Variants in CNTN4 observed in about 807,000 individuals in gnomAD.
CNTN4 encodes contactin 4, also known as contactin-4.
A neutral mutation model predicts 122.5 loss-of-function variants in CNTN4; 77 were observed. That is an observed-to-expected ratio of 0.63 (90% confidence interval 0.52 to 0.76). CNTN4 has a LOEUF of 0.76. CNTN4 is among the 30% of genes least tolerant of loss of function. The pLI, the probability that CNTN4 is intolerant of heterozygous loss-of-function variation, is 0.00. For synonymous variants in CNTN4, 512 were observed against 447.0 expected, an observed-to-expected ratio of 1.15 and a Z score of -1.83; for missense variants, 1,256 against 1,259.1, an observed-to-expected ratio of 1.00 and a Z score of 0.04.
chr3:2,337,998 AACTG>A (rs1484074902), intron 2 of CNTN4, among the ~76,000 whole-genome samples: 1 of 152,110 alleles, frequency 6.6e-6, no homozygotes, highest in Non-Finnish European at 1.5e-5. Context: ...TACAGCTGGT[AACTG>A]ACCATATTAA....
At chr3:2,935,025 G>T (rs2094555956) in intron 13 of CNTN4, among the ~76,000 whole-genome samples, 1 of 152,316 alleles carries the variant, frequency 6.6e-6, no homozygotes, top group East Asian at 1.9e-4. Flanking sequence ...AGTTGCAAAA[G>T]TGTTTAGGGA....
At chr3:2,745,052 T>C (rs1039054480) in intron 5 of CNTN4, among the ~76,000 whole-genome samples, 27 of 152,206 alleles carry the variant, frequency 1.8e-4, no homozygotes, top group African/African-American at 6.0e-4. Context: ...TGCAGTCATA[T>C]TAAGGACCAA....
At chr3:2,345,825 G>A (rs945422669) in intron 3 of CNTN4, among the ~76,000 whole-genome samples, 3 of 152,144 alleles carry the variant, frequency 2.0e-5, no homozygotes, top group Admixed American at 1.3e-4. Context: ...AGTGGGCACC[G>A]AGCTTCTATA....
intron 3 of CNTN4, among the ~76,000 whole-genome samples, chr3:2,566,748 A>G (rs527965746): frequency 2.0e-5 from 3 of 152,314 alleles, no homozygotes; most frequent in East Asian, 3.9e-4. Context: ...AAGCAAGCAA[A>G]CATGTTTACA....
chr3:2,427,348 G>A (rs1433476025), intron 3 of CNTN4, among the ~76,000 whole-genome samples: 1 of 152,180 alleles, frequency 6.6e-6, no homozygotes, highest in Non-Finnish European at 1.5e-5. Context: ...TCATTCAGGA[G>A]CAGGTTGCTC....
intron 3 of CNTN4, among the ~76,000 whole-genome samples, chr3:2,351,187 G>T (rs1347325561): frequency 1.3e-5 from 2 of 152,088 alleles, no homozygotes; most frequent in Non-Finnish European, 2.9e-5. Context: ...GAACTATATC[G>T]TACAACTTCT....
intron 3 of CNTN4, among the ~76,000 whole-genome samples, chr3:2,357,590 T>C (rs867285118): frequency 3.3e-5 from 5 of 152,154 alleles, no homozygotes; most frequent in African/African-American, 9.7e-5. Context: ...TGCAGAGAGA[T>C]TGTTGATTGA....
intron 4 of CNTN4, among the ~76,000 whole-genome samples, chr3:2,587,820 C>A (rs1242540333): frequency 2.6e-5 from 4 of 151,532 alleles, no homozygotes; most frequent in Non-Finnish European, 5.9e-5. Context: ...TAGTCTTTTT[C>A]TTTCTTTCTT....
chr3:2,906,524 C>T (rs1018716744), intron 12 of CNTN4, among the ~76,000 whole-genome samples: 16 of 151,770 alleles, frequency 1.1e-4, no homozygotes, highest in East Asian at 7.7e-4. Context: ...AAGCATATAT[C>T]GGAAAATTTA....
At chr3:2,824,707 G>A (rs1311431802) in intron 7 of CNTN4, among the ~76,000 whole-genome samples, 1 of 152,068 alleles carries the variant, frequency 6.6e-6, no homozygotes, top group Non-Finnish European at 1.5e-5. Flanking sequence ...TGTCAACCAG[G>A]CTGGAGTGCA....
At chr3:3,055,130 T>C (rs996966976) in intron 24 of CNTN4, among the ~76,000 whole-genome samples, 22 of 152,318 alleles carry the variant, frequency 1.4e-4, no homozygotes, top group African/African-American at 5.3e-4. Context: ...CAAAAGGCAT[T>C]TTTGTCTTAA....
intron 13 of CNTN4, among the ~76,000 whole-genome samples, chr3:2,948,504 G>A (rs570595575): frequency 1.3e-4 from 20 of 152,270 alleles, no homozygotes; most frequent in African/African-American, 2.2e-4. Context: ...TGTTAGGCTC[G>A]CAGGAAAATC....
chr3:2,899,749 T>C (rs2094152827), intron 10 of CNTN4, among the ~76,000 whole-genome samples: 1 of 152,200 alleles, frequency 6.6e-6, no homozygotes, highest in Non-Finnish European at 1.5e-5. Context: ...TGTGTTAGAC[T>C]GTGGGCAGGA....
intron 3 of CNTN4, among the ~76,000 whole-genome samples, chr3:2,377,112 C>T (rs1047378052): frequency 1.2e-4 from 18 of 148,920 alleles, no homozygotes; most frequent in Non-Finnish European, 5.9e-5. Flanking sequence ...GCCGAGATTG[C>T]GCCACTGCAC....
rs767030742 is a variant in CNTN4 at position 3,042,256 on chromosome 3, A to G, written c.2399-54A>G. ...TTACCTTATAATGCTAGTATCTACA[A>G]TCCTGTCCTAATATAGCTGATAGAG... On this transcript the variant is annotated intron_variant, in intron 20 of 24. Transcript: ENST00000418658. The G allele has an allele frequency of 1.4e-4, 167 of 1,234,916 alleles. 1 individual carries two copies. Among genetic ancestry groups the G allele is most frequent in the Non-Finnish European group, 1.9e-4 (155 of 834,010 alleles). The allele number at this position is 1,234,916 out of a possible 1,614,324, so 76.5% of individuals were successfully genotyped here.
At chr3:2,149,528 G>C (rs150405145) in intron 2 of CNTN4, among the ~76,000 whole-genome samples, 1 of 152,214 alleles carries the variant, frequency 6.6e-6, no homozygotes, top group Non-Finnish European at 1.5e-5. Flanking sequence ...TTCATAGTTA[G>C]AAAATTGCAT....
intron 3 of CNTN4, among the ~76,000 whole-genome samples, chr3:2,451,115 A>G (rs2048813205): frequency 6.6e-6 from 1 of 152,212 alleles, no homozygotes. Context: ...TTTCTCCTTC[A>G]TGATTAATCA....
chr3:2,900,667 C>A lies in CNTN4; in HGVS notation c.941-18C>A, dbSNP rs746137460. ...CACACTGAATATACACCTTTCTTTG[C>A]TTTTTGGATGCCTATAGCTCAACCT... On this transcript the variant is annotated intron_variant, in intron 10 of 24. Transcript: ENST00000418658. 3 of 1,612,986 alleles carry A rather than the reference C, an allele frequency of 1.9e-6. No individual in the cohort carries two copies. The highest frequency in any genetic ancestry group is 1.7e-5 in the Admixed American group (1 of 60,022).
chr3:2,449,875 T>C (rs1382968229), intron 3 of CNTN4, among the ~76,000 whole-genome samples: 1 of 152,170 alleles, frequency 6.6e-6, no homozygotes, highest in African/African-American at 2.4e-5. Context: ...ATTTCACTTA[T>C]TTGTGTTATC....
Sources: allele counts gnomAD v4.1 joint callset (sites outside exome capture counted in the v4.1 genomes callset), GRCh38; gene constraint gnomAD v4.1.1; transcripts MANE v1.5; gene names NCBI Gene and HGNC (gene_info 2026-07-23, HGNC 2026-07-21).